The following HAPLN1 variants were observed in gnomAD, a reference collection of about 807,000 sequenced individuals.
HAPLN1 encodes hyaluronan and proteoglycan link protein 1.
In HAPLN1, 13 loss-of-function variants were observed where a neutral mutation model predicts 36.5. The ratio of observed to expected loss-of-function variants is 0.36; its 90% confidence interval spans 0.23 to 0.57. The LOEUF (loss-of-function observed/expected upper bound fraction) is 0.57, where lower values mean the gene tolerates loss of function less well. Ranked by LOEUF, HAPLN1 falls within the 20% of genes least tolerant of loss-of-function variation. The probability of loss-of-function intolerance (pLI) is 0.83; values close to 1 mark genes in which losing one functional copy is unlikely to be tolerated. For missense variants in HAPLN1, 407 were observed against 439.7 expected, an observed-to-expected ratio of 0.93 and a Z score of 0.66; for synonymous variants, 202 against 169.8, an observed-to-expected ratio of 1.19 and a Z score of -1.48.
At position 83,644,772 on chromosome 5, in the gene HAPLN1, A is replaced by G. The variant is rs1749807819; in HGVS notation, c.473-107T>C. ...CCTAACAGACCCTCCATCAGATGAG[A>G]CAGTAGTTTTTCGTCAACTAGCAAC... On this transcript the variant is annotated intron_variant, in intron 3 of 4. Coordinates refer to ENST00000274341, the MANE Select transcript of HAPLN1 (RefSeq NM_001884.4). 5.1e-6 allele frequency: 4 copies of G among 776,828 alleles called. No individual in the cohort carries two copies. The South Asian group carries it at 1.6e-4, about 31-fold the overall frequency. 48.1% of individuals were successfully genotyped at this position (776,828 alleles called of 1,614,324 possible).
chr5:83,672,564 A>C (rs960854626), intron 2 of HAPLN1, among the ~76,000 whole-genome samples: 7 of 152,236 alleles, frequency 4.6e-5, no homozygotes, highest in Non-Finnish European at 8.8e-5. Context: ...TTTGACCTTC[A>C]CAAGTCATAC....
In HAPLN1 at chr5:83,673,514, G is replaced by A. The variant is rs779245334; in HGVS notation, c.10C>T (p.Leu4=). The A allele has an allele frequency of 1.2e-6, 2 of 1,611,172 alleles. No homozygotes were observed. The highest frequency in any genetic ancestry group is 1.7e-4 in the Middle Eastern group (1 of 6,052). MKS[L]LLLVLISICW... is the part of the protein sequence containing the mutation. ...ATTGAAATCAGCACCAGAAGAAGTA[G>A]ACTCTTCATCTTTATAGCCCAAAGA... Residue 4 remains leucine (L), a synonymous_variant, in exon 2 of 5, where the codon CTA becomes TTA. Transcript: ENST00000274341.
chr5:83,650,196 C>T (rs980145000), intron 3 of HAPLN1, among the ~76,000 whole-genome samples: 1 of 152,160 alleles, frequency 6.6e-6, no homozygotes, highest in East Asian at 1.9e-4. Context: ...AGAGCATAGG[C>T]TTCATGCAAT....
Position 83,641,481 on chromosome 5 carries a change from G to T in HAPLN1, c.*15C>A. 2.5e-6 allele frequency: 4 copies of T among 1,573,854 alleles called. No individual in the cohort carries two copies. Among genetic ancestry groups the T allele is most frequent in the Non-Finnish European group, 3.5e-6 (4 of 1,156,858 alleles). ...TTCTTAATGACTTTAAAACTGATGC[G>T]CTCTAAGGGCACATTCAGTTGTATG... On this transcript the variant is annotated 3_prime_UTR_variant, in exon 5 of 5. Coordinates refer to ENST00000274341, the MANE Select transcript of HAPLN1 (RefSeq NM_001884.4).
intron 1 of HAPLN1, among the ~76,000 whole-genome samples, chr5:83,680,670 TTA>T (rs1750978059): frequency 2.0e-5 from 3 of 152,174 alleles, no homozygotes; most frequent in African/African-American, 4.8e-5. Context: ...TCCCCTGTGT[TTA>T]TCTTTGGAAA....
chr5:83,654,677 CT>C (rs1294288146), intron 2 of HAPLN1, among the ~76,000 whole-genome samples: 1 of 152,184 alleles, frequency 6.6e-6, no homozygotes, highest in Non-Finnish European at 1.5e-5. Flanking sequence ...TGACACATAG[CT>C]AAAATAGGTC....
intron 2 of HAPLN1, among the ~76,000 whole-genome samples, chr5:83,661,439 T>C (rs1397926500): frequency 1.2e-5 from 1 of 84,412 alleles, no homozygotes; most frequent in Non-Finnish European, 2.5e-5. Flanking sequence ...AAGCTTCTTT[T>C]TTTTTTTTTT....
intron 1 of HAPLN1, among the ~76,000 whole-genome samples, chr5:83,690,057 G>A (rs1751236064): frequency 6.6e-6 from 1 of 151,996 alleles, no homozygotes; most frequent in Non-Finnish European, 1.5e-5. Flanking sequence ...AGACCACCCA[G>A]AAGTTTCAAC....
chr5:83,697,059 C>A (rs910613932), intron 1 of HAPLN1, among the ~76,000 whole-genome samples: 1 of 152,118 alleles, frequency 6.6e-6, no homozygotes, highest in Non-Finnish European at 1.5e-5. Context: ...TTCCCTCCCC[C>A]ACCAGGATTC....
At chr5:83,645,167 T>C (rs1459500151) in intron 3 of HAPLN1, among the ~76,000 whole-genome samples, 2 of 152,250 alleles carry the variant, frequency 1.3e-5, no homozygotes, top group East Asian at 1.9e-4. Context: ...ACAATGTTTT[T>C]CTTAGTGTTT....
At chr5:83,706,899 A>T (rs191182529) in intron 1 of HAPLN1, among the ~76,000 whole-genome samples, 84 of 152,258 alleles carry the variant, frequency 5.5e-4, no homozygotes, top group Middle Eastern at 3.4e-3. Flanking sequence ...CAAAGTAAAC[A>T]TACAAAAATC....
At chr5:83,650,600 T>A (rs1401845107) in intron 3 of HAPLN1, among the ~76,000 whole-genome samples, 2 of 151,634 alleles carry the variant, frequency 1.3e-5, no homozygotes, top group Non-Finnish European at 2.9e-5. Context: ...AGATTTGCAA[T>A]GGTGCAGAGC....
At chr5:83,649,849 G>A (rs1485499561) in intron 3 of HAPLN1, among the ~76,000 whole-genome samples, 4 of 152,098 alleles carry the variant, frequency 2.6e-5, no homozygotes, top group African/African-American at 9.7e-5. Context: ...TCTTTTACTT[G>A]TAAACTATTT....
chr5:83,687,334 A>G (rs1561317453), intron 1 of HAPLN1, among the ~76,000 whole-genome samples: 1 of 152,194 alleles, frequency 6.6e-6, no homozygotes, highest in Non-Finnish European at 1.5e-5. Context: ...TGCATTTTCT[A>G]GTGATAGTTT....
At chr5:83,709,553 G>T (rs888978035) in intron 1 of HAPLN1, among the ~76,000 whole-genome samples, 3 of 150,756 alleles carry the variant, frequency 2.0e-5, no homozygotes, top group Non-Finnish European at 3.0e-5. Context: ...TGTTGCAAGG[G>T]TATGCTGCAT....
chr5:83,713,018 G>T (rs561517484), intron 1 of HAPLN1, among the ~76,000 whole-genome samples: 1 of 152,208 alleles, frequency 6.6e-6, no homozygotes, highest in Admixed American at 6.5e-5. Context: ...GAATTAGTCT[G>T]CATTCTGTGG....
intron 1 of HAPLN1, among the ~76,000 whole-genome samples, chr5:83,684,538 G>A (rs1353861626): frequency 2.0e-5 from 3 of 152,126 alleles, no homozygotes; most frequent in Non-Finnish European, 4.4e-5. Flanking sequence ...TTTCAGAAAG[G>A]TGATCGTTCA....
At chr5:83,659,076 C>T (rs1410121092) in intron 2 of HAPLN1, among the ~76,000 whole-genome samples, 1 of 152,016 alleles carries the variant, frequency 6.6e-6, no homozygotes, top group African/African-American at 2.4e-5. Context: ...GTGTTTGAGA[C>T]CAGCCTGGCC....
intron 2 of HAPLN1, among the ~76,000 whole-genome samples, chr5:83,660,089 A>T (rs1172643963): frequency 1.3e-5 from 2 of 152,060 alleles, no homozygotes; most frequent in East Asian, 3.9e-4. Flanking sequence ...TTGTGTTTTT[A>T]TAATTTCTCA....
Sources: allele counts gnomAD v4.1 joint callset (sites outside exome capture counted in the v4.1 genomes callset), GRCh38; gene constraint gnomAD v4.1.1; transcripts MANE v1.5; gene names NCBI Gene and HGNC (gene_info 2026-07-23, HGNC 2026-07-21).